Variants in ROR1 observed in about 807,000 individuals in gnomAD.
ROR1 encodes inactive tyrosine-protein kinase transmembrane receptor ROR1.
In ROR1, 19 loss-of-function variants were observed where a neutral mutation model predicts 78.8. That is an observed-to-expected ratio of 0.24 (90% confidence interval 0.17 to 0.35). The LOEUF is 0.35. Ranked by LOEUF, ROR1 falls within the 10% of genes least tolerant of loss-of-function variation. The pLI is 1.00. For missense variants in ROR1, 917 were observed against 1,177.8 expected, an observed-to-expected ratio of 0.78 and a Z score of 3.24; for synonymous variants, 386 against 433.6, an observed-to-expected ratio of 0.89 and a Z score of 1.36.
intron 1 of ROR1, among the ~76,000 whole-genome samples, chr1:63,798,432 GGGA>G (rs1002806348): frequency 2.6e-5 from 4 of 152,052 alleles, no homozygotes; most frequent in Non-Finnish European, 4.4e-5. Flanking sequence ...CAGTTTTTGG[GGGA>G]GGAGGAGGAG....
chr1:64,135,261 C>A (rs1409031363), intron 4 of ROR1, among the ~76,000 whole-genome samples: 1 of 152,092 alleles, frequency 6.6e-6, no homozygotes, highest in African/African-American at 2.4e-5. Context: ...TTCAAAGAGT[C>A]TTTTTAAGAG....
intron 4 of ROR1, among the ~76,000 whole-genome samples, chr1:64,104,329 A>C (rs1394312827): frequency 6.6e-6 from 1 of 151,848 alleles, no homozygotes; most frequent in Non-Finnish European, 1.5e-5. Flanking sequence ...TTTTTAATTT[A>C]TTATCATTAT....
intron 1 of ROR1, among the ~76,000 whole-genome samples, chr1:63,866,785 T>A (rs1350501541): frequency 6.6e-6 from 1 of 152,226 alleles, no homozygotes; most frequent in African/African-American, 2.4e-5. Flanking sequence ...GTTTATCTCA[T>A]GAAATATCTG....
Position 64,007,565 on chromosome 1 carries a change from A to G in ROR1, c.92-1740A>G, listed in dbSNP as rs1001599101. Among the ~76,000 whole-genome samples, 4 of 152,314 alleles carry G rather than the reference A, an allele frequency of 2.6e-5. No individual in the cohort carries two copies. In the East Asian group the frequency reaches 7.7e-4, roughly 29 times the overall value. ...AGCCCGTAAGTACTTCTAACAGTCC[A>G]TAAGTACTTCATAGTGTATTATGTC... On this transcript the variant is annotated intron_variant, in intron 1 of 8. Transcript: ENST00000371079.
Position 64,161,493 on chromosome 1 carries a change from C to T in ROR1, c.1386+2301C>T, listed in dbSNP as rs2100731848. ...ACAAATATTTAAGGGGCCTGCATGG[C>T]AGTCTCTGAATGATGTAGCCCTAGC... is the stretch of plus-strand genomic sequence containing the variant. On this transcript the variant is annotated intron_variant, in intron 8 of 8. Transcript: ENST00000371079. Among the ~76,000 whole-genome samples the T allele has an allele frequency of 1.3e-5, 2 of 152,356 alleles. 1 individual carries two copies. The highest frequency in any genetic ancestry group is 1.3e-4 in the Admixed American group (2 of 15,302).
intron 1 of ROR1, among the ~76,000 whole-genome samples, chr1:63,930,325 A>C (rs1410074350): frequency 6.6e-6 from 1 of 152,186 alleles, no homozygotes; most frequent in Non-Finnish European, 1.5e-5. Context: ...CTCCCCAGCA[A>C]CCCAAGTTAC....
chr1:63,870,801 A>G (rs897607191), intron 1 of ROR1, among the ~76,000 whole-genome samples: 2 of 152,196 alleles, frequency 1.3e-5, no homozygotes. Context: ...CAAAGTGTGT[A>G]CAGTGCATAT....
intron 1 of ROR1, among the ~76,000 whole-genome samples, chr1:63,785,618 G>A (rs934670788): frequency 2.0e-5 from 3 of 151,884 alleles, no homozygotes; most frequent in African/African-American, 7.3e-5. Context: ...TGCCTCCTGG[G>A]TTTTTTAAGT....
chr1:64,109,531 C>T (rs963863392), intron 4 of ROR1, among the ~76,000 whole-genome samples: 2 of 152,084 alleles, frequency 1.3e-5, no homozygotes, highest in African/African-American at 4.8e-5. Context: ...CACATAGAAT[C>T]TTCCTTGTGC....
intron 1 of ROR1, among the ~76,000 whole-genome samples, chr1:63,946,277 A>G (rs1486612189): frequency 6.6e-6 from 1 of 152,172 alleles, no homozygotes; most frequent in Non-Finnish European, 1.5e-5. Flanking sequence ...AGGGGACTAG[A>G]AGGTTTGGGT....
chr1:63,793,486 C>T (rs1644739046), intron 1 of ROR1, among the ~76,000 whole-genome samples: 3 of 152,196 alleles, frequency 2.0e-5, no homozygotes, highest in Admixed American at 2.0e-4. Context: ...ATCACATGTG[C>T]TCTGAAAATA....
intron 1 of ROR1, among the ~76,000 whole-genome samples, chr1:63,933,789 C>G (rs1645772758): frequency 6.6e-6 from 1 of 152,184 alleles, no homozygotes; most frequent in Non-Finnish European, 1.5e-5. Flanking sequence ...TGTGTTCCCA[C>G]CAGCAAATGT....
chr1:64,136,985 T>C (rs1427823745), intron 4 of ROR1, among the ~76,000 whole-genome samples: 2 of 152,136 alleles, frequency 1.3e-5, no homozygotes, highest in Non-Finnish European at 2.9e-5. Flanking sequence ...CACGCCTTTG[T>C]AGCAAATGAA....
chr1:64,117,269 C>T (rs545986725), intron 4 of ROR1, among the ~76,000 whole-genome samples: 5 of 152,122 alleles, frequency 3.3e-5, no homozygotes, highest in Non-Finnish European at 5.9e-5. Context: ...TTGATCTCTT[C>T]GACCTCATTT....
chr1:63,795,751 T>A lies in ROR1; in HGVS notation c.91+21243T>A, dbSNP rs1205951364. Reference sequence around the variant, plus strand: ...AAAGGATATGCAGGAACATAAAATATCTTGCCGCTACTGGAATAGCCTTAT... The same window carrying A: ...AAAGGATATGCAGGAACATAAAATAACTTGCCGCTACTGGAATAGCCTTAT... On this transcript the variant is annotated intron_variant, in intron 1 of 8. Coordinates refer to ENST00000371079, the MANE Select transcript of ROR1 (RefSeq NM_005012.4). Among the ~76,000 whole-genome samples the A allele has an allele frequency of 2.6e-5, 4 of 152,206 alleles. No individual in the cohort carries two copies. The South Asian group carries it at 8.3e-4, about 32-fold the overall frequency.
At chr1:63,782,377 T>A (rs1218662891) in intron 1 of ROR1, among the ~76,000 whole-genome samples, 1 of 152,136 alleles carries the variant, frequency 6.6e-6, no homozygotes, top group Non-Finnish European at 1.5e-5. Flanking sequence ...AGAATCGGTA[T>A]GATCCTTCTT....
intron 1 of ROR1, among the ~76,000 whole-genome samples, chr1:63,776,458 C>T (rs577755441): frequency 6.6e-6 from 1 of 152,256 alleles, no homozygotes; most frequent in Admixed American, 6.5e-5. Flanking sequence ...AGGGGGTCCA[C>T]GTGAGAGGGT....
At chr1:63,928,810 G>A (rs916507526) in intron 1 of ROR1, among the ~76,000 whole-genome samples, 1 of 152,192 alleles carries the variant, frequency 6.6e-6, no homozygotes, top group African/African-American at 2.4e-5. Flanking sequence ...AACAGTGCCT[G>A]GCACTTAGTG....
chr1:64,029,323 T>C (rs547179535), intron 2 of ROR1, among the ~76,000 whole-genome samples: 4 of 152,258 alleles, frequency 2.6e-5, no homozygotes, highest in African/African-American at 9.6e-5. Context: ...CAAAACAGAT[T>C]TGAACATTGG....
Sources: gnomAD v4.1 joint callset for allele counts (sites outside exome capture counted in the v4.1 genomes callset) on GRCh38, gnomAD v4.1.1 for gene constraint, MANE v1.5 for transcripts, NCBI Gene and HGNC (gene_info 2026-07-23, HGNC 2026-07-21) for gene names.